Variants in STXBP5 observed in about 807,000 individuals in gnomAD.
The protein encoded by STXBP5 is syntaxin binding protein 5.
STXBP5 carries 50 observed loss-of-function variants against 152.4 expected under a neutral mutation model. That is an observed-to-expected ratio of 0.33 (90% CI 0.26 to 0.42). The LOEUF is 0.42. STXBP5 is among the 10% of genes least tolerant of loss of function. The pLI, the probability that STXBP5 is intolerant of heterozygous loss-of-function variation, is 1.00. For missense variants in STXBP5, 1,167 were observed against 1,388.6 expected, an observed-to-expected ratio of 0.84 and a Z score of 2.54; for synonymous variants, 492 against 494.7, an observed-to-expected ratio of 0.99 and a Z score of 0.07.
chr6:147,286,346 C>A (rs9497738), intron 8 of STXBP5, among the ~76,000 whole-genome samples: 4,873 of 152,092 alleles, frequency 0.032, 267 homozygotes, highest in African/African-American at 0.11. Flanking sequence ...AGACAGGATT[C>A]AATGTTCCAT....
intron 19 of STXBP5, among the ~76,000 whole-genome samples, chr6:147,334,942 A>G (rs908608845): frequency 6.6e-6 from 1 of 152,140 alleles, no homozygotes; most frequent in Non-Finnish European, 1.5e-5. Context: ...CTGGTATACT[A>G]CATCAGAAAC....
intron 4 of STXBP5, among the ~76,000 whole-genome samples, chr6:147,247,969 G>A (rs192575227): frequency 2.8e-4 from 42 of 151,994 alleles, no homozygotes; most frequent in African/African-American, 4.8e-4. Flanking sequence ...AACCAAAGGC[G>A]AATATAAGAA....
chr6:147,225,939 A>G (rs906011191), intron 2 of STXBP5, among the ~76,000 whole-genome samples: 5 of 152,174 alleles, frequency 3.3e-5, no homozygotes, highest in African/African-American at 1.2e-4. Flanking sequence ...CAATTTCCTG[A>G]TAGTGACAGG....
chr6:147,213,430 A>ATGTGTG (rs1776965395), intron 2 of STXBP5, among the ~76,000 whole-genome samples: 1 of 68,402 alleles, frequency 1.5e-5, no homozygotes, highest in East Asian at 9.5e-4. Context: ...ACATAATTTT[A>ATGTGTG]TATATGTGTG....
intron 21 of STXBP5, among the ~76,000 whole-genome samples, chr6:147,346,453 A>G (rs1487429815): frequency 2.0e-5 from 3 of 152,096 alleles, no homozygotes; most frequent in Non-Finnish European, 4.4e-5. Context: ...ATTGAAAGAT[A>G]CACGGCCAGG....
chr6:147,244,270 A>G (rs1396577232), intron 4 of STXBP5, among the ~76,000 whole-genome samples: 1 of 152,150 alleles, frequency 6.6e-6, no homozygotes, highest in Non-Finnish European at 1.5e-5. Flanking sequence ...TCCCTCACAG[A>G]TATGGAGGGA....
chr6:147,324,706 T>C (rs982440942), intron 16 of STXBP5, among the ~76,000 whole-genome samples: 4 of 151,836 alleles, frequency 2.6e-5, no homozygotes, highest in African/African-American at 9.7e-5. Flanking sequence ...CTCTTCTTCC[T>C]CCTCACCTCT....
chr6:147,252,492 C>A (rs920381826), intron 4 of STXBP5, among the ~76,000 whole-genome samples: 2 of 151,660 alleles, frequency 1.3e-5, no homozygotes, highest in African/African-American at 4.8e-5. Flanking sequence ...GATTGAAGAT[C>A]AACTTAAATA....
intron 26 of STXBP5, among the ~76,000 whole-genome samples, chr6:147,380,854 T>G (rs919533442): frequency 5.3e-5 from 8 of 152,148 alleles, no homozygotes; most frequent in Non-Finnish European, 1.0e-4. Flanking sequence ...TTTAGGTGGA[T>G]CTGTGTATTA....
In STXBP5 at chr6:147,324,264, GTT is replaced by G. The variant is rs1179573055; in HGVS notation, c.1803-671_1803-670del. Reference sequence around the variant, plus strand: ...TTAAGTTTTGTGGGGTTTTTTTTTGGTTTTTTTTTTTTTTTTTTTTTTTTTGA... The same window carrying G: ...TTAAGTTTTGTGGGGTTTTTTTTTGGTTTTTTTTTTTTTTTTTTTTTTTGA... On this transcript the variant is annotated intron_variant, in intron 16 of 27. Coordinates refer to ENST00000321680, the MANE Select transcript of STXBP5 (RefSeq NM_001127715.4). Among the ~76,000 whole-genome samples, 22 of 57,948 alleles carry G rather than the reference GTT, an allele frequency of 3.8e-4. No individual in the cohort carries two copies. The East Asian group carries it at 8.6e-3, about 23-fold the overall frequency. 38.0% of individuals were successfully genotyped at this position (57,948 alleles called of 152,430 possible).
rs920864603 is a variant in STXBP5 at position 147,266,933 on chromosome 6, C to T, written c.631-151C>T. The stretch of plus-strand genomic sequence containing the variant: ...ATACAGTGTTCTCATTTGTCATTTA[C>T]GTGATTACTAATTAGCAATGCAGAT... On this transcript the variant is annotated intron_variant, in intron 6 of 27. Coordinates refer to ENST00000321680, the MANE Select transcript of STXBP5 (RefSeq NM_001127715.4). 2.5e-5 allele frequency: 16 copies of T among 649,096 alleles called. No homozygotes were observed. In the East Asian group the frequency reaches 2.8e-4, roughly 11 times the overall value. The allele number at this position is 649,096 out of a possible 1,614,324, so 40.2% of individuals were successfully genotyped here.
At chr6:147,287,878 C>T (rs1310481160) in intron 8 of STXBP5, among the ~76,000 whole-genome samples, 1 of 152,132 alleles carries the variant, frequency 6.6e-6, no homozygotes, top group Admixed American at 6.5e-5. Flanking sequence ...CTATATTCTT[C>T]AGATTTCTAC....
intron 18 of STXBP5, 97 bp downstream of exon 18, chr6:147,327,373 G>A: frequency 7.2e-7 from 1 of 1,391,448 alleles, no homozygotes; most frequent in Non-Finnish European, 9.6e-7. Context: ...TAAATAGCTT[G>A]CCTGATTTAG....
At chr6:147,249,781 A>T (rs1199303196) in intron 4 of STXBP5, among the ~76,000 whole-genome samples, 2 of 152,190 alleles carry the variant, frequency 1.3e-5, no homozygotes, top group African/African-American at 4.8e-5. Context: ...TTTTTACTAA[A>T]AACCCGTTAA....
chr6:147,352,703 A>G (rs1048902242), intron 21 of STXBP5, among the ~76,000 whole-genome samples: 8 of 152,198 alleles, frequency 5.3e-5, no homozygotes, highest in African/African-American at 1.7e-4. Context: ...TTAGGCCTCT[A>G]TTCTCTTTAT....
rs1194083499 is a variant in STXBP5 at position 147,327,224 on chromosome 6, T to G, written c.2028T>G (p.Asp676Glu). ...CTATTGAATTATATGGCTCTAATGATCCTTATCGGAGAGAACCCCGATCTC... is the reference window on the plus strand; with the variant it reads ...CTATTGAATTATATGGCTCTAATGAGCCTTATCGGAGAGAACCCCGATCTC... ...LGTIELYGSN[D>E]PYRREPRSPR... Residue 676 changes from aspartate (D) to glutamate (E), a missense_variant, in exon 18 of 28, where the codon GAT becomes GAG. Physicochemically the swap from Asp to Glu is conservative, Grantham distance 45 (BLOSUM62 2). Around this residue, in one of 3 missense-constraint regions of STXBP5, gnomAD observed 833 missense variants for 986.3 expected, o/e 0.84. Transcript: ENST00000321680. The G allele has an allele frequency of 5.6e-6, 9 of 1,613,910 alleles. No individual in the cohort carries two copies. The highest frequency in any genetic ancestry group is 6.8e-6 in the Non-Finnish European group (8 of 1,179,976).
intron 2 of STXBP5, among the ~76,000 whole-genome samples, chr6:147,213,434 A>ATATATGTGTGTGTGTGTGTGTG (rs1216361619): frequency 3.5e-5 from 3 of 85,534 alleles, no homozygotes; most frequent in Admixed American, 1.2e-4. Flanking sequence ...AATTTTATAT[A>ATATATGTGTGTGTGTGTGTGTG]TGTGTGTGTG....
chr6:147,301,512 T>G (rs1781813589), intron 9 of STXBP5, among the ~76,000 whole-genome samples: 1 of 152,196 alleles, frequency 6.6e-6, no homozygotes, highest in African/African-American at 2.4e-5. Flanking sequence ...TCATGTTACT[T>G]TTGGTATGTC....
At chr6:147,213,184 C>T (rs1776948204) in intron 2 of STXBP5, among the ~76,000 whole-genome samples, 1 of 151,896 alleles carries the variant, frequency 6.6e-6, no homozygotes, top group Non-Finnish European at 1.5e-5. Context: ...TTGAGTATCA[C>T]TAAAGATAAG....
Sources: gnomAD v4.1 joint callset for allele counts (sites outside exome capture counted in the v4.1 genomes callset) on GRCh38, gnomAD v4.1.1 for gene constraint, gnomAD v4.1.1 regional missense constraint, MANE v1.5 for transcripts, NCBI Gene and HGNC (gene_info 2026-07-23, HGNC 2026-07-21) for gene names.